THADA: variants seen among roughly 807,000 people sequenced by gnomAD.
THADA encodes the protein tRNA (32-2'-O)-methyltransferase regulator THADA.
A neutral mutation model predicts 219.8 loss-of-function variants in THADA; 213 were observed. The ratio of observed to expected loss-of-function variants is 0.97; its 90% CI spans 0.87 to 1.09. The LOEUF is 1.09. THADA is among the 50% of genes least tolerant of loss of function. The probability of loss-of-function intolerance (pLI) is 0.00; values close to 1 mark genes in which losing one functional copy is unlikely to be tolerated. For missense variants in THADA, 2,956 were observed against 2,311.3 expected (o/e 1.28, Z -5.72); for synonymous variants, 1,018 against 828.9 (o/e 1.23, Z -3.92).
At chr2:43,492,969 T>C (rs1471600565) in intron 25 of THADA, among the ~76,000 whole-genome samples, 1 of 152,120 alleles carries the variant, frequency 6.6e-6, no homozygotes, top group Non-Finnish European at 1.5e-5. Context: ...CGCGGCACAG[T>C]GAATAGAGCA....
At chr2:43,533,605 C>G (rs1694175110) in intron 21 of THADA, among the ~76,000 whole-genome samples, 3 of 152,270 alleles carry the variant, frequency 2.0e-5, no homozygotes, top group Non-Finnish European at 4.4e-5. Context: ...TTGGATGAAG[C>G]TGGAAGCCAT....
Position 43,292,300 on chromosome 2 carries a change from A to G in THADA, c.4819-78T>C, listed in dbSNP as rs78613857. 212 of 931,418 alleles carry G rather than the reference A, an allele frequency of 2.3e-4. 1 individual carries two copies. In the African/African-American group the frequency reaches 2.9e-3, roughly 13 times the overall value. The allele number at this position is 931,418 out of a possible 1,614,324, so 57.7% of individuals were successfully genotyped here. On this transcript the variant is annotated intron_variant, in intron 32 of 37. Coordinates refer to ENST00000405975, the MANE Select transcript of THADA (RefSeq NM_022065.5). ...GTCTCTAGATGTTACATGATAATCAATTGTATCAACAAGAGGTCTACCTTT... is the reference window on the plus strand; with the variant it reads ...GTCTCTAGATGTTACATGATAATCAGTTGTATCAACAAGAGGTCTACCTTT...
intron 28 of THADA, among the ~76,000 whole-genome samples, chr2:43,423,393 C>T (rs963773203): frequency 6.6e-6 from 1 of 151,950 alleles, no homozygotes; most frequent in Admixed American, 6.6e-5. Flanking sequence ...AGTCTTTTGA[C>T]TTCATATACC....
At chr2:43,420,322 T>G (rs1466555069) in intron 28 of THADA, among the ~76,000 whole-genome samples, 1 of 152,234 alleles carries the variant, frequency 6.6e-6, no homozygotes, top group Non-Finnish European at 1.5e-5. Context: ...AGCTAGACGG[T>G]AAGTTCTTTA....
intron 30 of THADA, among the ~76,000 whole-genome samples, chr2:43,336,669 A>G (rs1292936532): frequency 1.3e-5 from 2 of 152,152 alleles, no homozygotes; most frequent in Admixed American, 6.5e-5. Context: ...AGGGCCAGTG[A>G]GATAACTTGA....
At position 43,511,293 on chromosome 2, in the gene THADA, T is replaced by C. The variant is rs542505338; in HGVS notation, c.3375-2513A>G. 4.1e-4 allele frequency among the ~76,000 whole-genome samples: 62 copies of C among 152,264 alleles called. 1 individual carries two copies. The highest frequency in any genetic ancestry group is 1.4e-3 in the African/African-American group (60 of 41,556). The stretch of plus-strand genomic sequence containing the variant: ...TTTCCTAAGTGTGCTGAAATACAAA[T>C]ACACTAAATACTAGTTCAATAATGC... On this transcript the variant is annotated intron_variant, in intron 22 of 37. Transcript: ENST00000405975.
chr2:43,281,548 T>A (rs1477391872), intron 35 of THADA, among the ~76,000 whole-genome samples: 4 of 151,496 alleles, frequency 2.6e-5, no homozygotes, highest in Non-Finnish European at 5.9e-5. Flanking sequence ...TTCAAGTGAT[T>A]CTCCTGCCTG....
intron 31 of THADA, among the ~76,000 whole-genome samples, chr2:43,300,470 A>G (rs1676127124): frequency 6.6e-6 from 1 of 152,200 alleles, no homozygotes; most frequent in Non-Finnish European, 1.5e-5. Context: ...GTAGGTAAAG[A>G]GAATACACAC....
intron 21 of THADA, chr2:43,538,699 A>T (rs947867067): frequency 6.6e-6 from 1 of 152,194 alleles, no homozygotes; most frequent in African/African-American, 2.4e-5. Flanking sequence ...AGCTGCCACA[A>T]ACTAGCTTTG....
chr2:43,578,851 TAGA>T (rs1197317641), intron 8 of THADA, among the ~76,000 whole-genome samples: 1 of 152,158 alleles, frequency 6.6e-6, no homozygotes, highest in African/African-American at 2.4e-5. Flanking sequence ...AAACGCTTTT[TAGA>T]AGGAGTCTCA....
In THADA at chr2:43,369,739, G is replaced by A. The variant is rs185240182; in HGVS notation, c.4228-25502C>T. On this transcript the variant is annotated intron_variant, in intron 29 of 37. Transcript: ENST00000405975. ...CAGGTAAAGCTGGGAAACACTGACA[G>A]CCTATAAAATCTTCCTGTTTTTGTC... is the stretch of plus-strand genomic sequence containing the variant. 3.2e-3 allele frequency among the ~76,000 whole-genome samples: 492 copies of A among 152,306 alleles called. 1 individual carries two copies. Among genetic ancestry groups the A allele is most frequent in the Non-Finnish European group, 4.4e-3 (302 of 68,014 alleles).
chr2:43,389,431 G>A (rs376452080), intron 29 of THADA, among the ~76,000 whole-genome samples: 7 of 152,186 alleles, frequency 4.6e-5, no homozygotes, highest in African/African-American at 1.7e-4. Context: ...GCCAGCCTAT[G>A]CACCATAGCG....
chr2:43,494,133 C>T (rs1249940941), intron 25 of THADA, among the ~76,000 whole-genome samples: 1 of 152,170 alleles, frequency 6.6e-6, no homozygotes, highest in Non-Finnish European at 1.5e-5. Flanking sequence ...AGGGTTGTGC[C>T]AACACCTGCC....
At chr2:43,326,675 C>T (rs933931378) in intron 30 of THADA, among the ~76,000 whole-genome samples, 1 of 152,090 alleles carries the variant, frequency 6.6e-6, no homozygotes, top group Non-Finnish European at 1.5e-5. Context: ...GATGAGTCAA[C>T]AGGGGCCCGA....
chr2:43,537,431 T>C (rs1694753488), intron 21 of THADA, among the ~76,000 whole-genome samples: 1 of 152,220 alleles, frequency 6.6e-6, no homozygotes, highest in South Asian at 2.1e-4. Context: ...CATGCACAAC[T>C]TCATTTCAAA....
intron 26 of THADA, among the ~76,000 whole-genome samples, chr2:43,461,243 T>C (rs1009493167): frequency 6.6e-6 from 1 of 152,158 alleles, no homozygotes; most frequent in Non-Finnish European, 1.5e-5. Flanking sequence ...ACACAAAATA[T>C]TAAAGAGAGA....
intron 30 of THADA, among the ~76,000 whole-genome samples, chr2:43,336,778 A>T (rs1226863859): frequency 6.6e-6 from 1 of 152,224 alleles, no homozygotes; most frequent in Non-Finnish European, 1.5e-5. Flanking sequence ...ATTAAGAACT[A>T]GCATCAGCCA....
intron 29 of THADA, among the ~76,000 whole-genome samples, chr2:43,360,066 C>T (rs764403658): frequency 5.3e-5 from 8 of 152,024 alleles, no homozygotes; most frequent in Non-Finnish European, 7.4e-5. Flanking sequence ...CAGTCTATTA[C>T]AAAGATTTCA....
chr2:43,334,321 T>C (rs1391595812), intron 30 of THADA, among the ~76,000 whole-genome samples: 2 of 151,602 alleles, frequency 1.3e-5, no homozygotes, highest in Non-Finnish European at 2.9e-5. Context: ...TGCATGGGGG[T>C]GTGAAGGGCA....
Sources: allele counts gnomAD v4.1 joint callset (sites outside exome capture counted in the v4.1 genomes callset), GRCh38; gene constraint gnomAD v4.1.1; transcripts MANE v1.5; gene names NCBI Gene and HGNC (gene_info 2026-07-23, HGNC 2026-07-21).